Variants in CNTNAP2 observed in about 807,000 individuals in gnomAD.
The protein encoded by CNTNAP2 is contactin-associated protein-like 2.
A neutral mutation model predicts 155.2 loss-of-function variants in CNTNAP2; 98 were observed. That is an observed-to-expected ratio of 0.63 (90% CI 0.54 to 0.75). CNTNAP2 has a LOEUF of 0.75. Ranked by LOEUF, CNTNAP2 falls within the 30% of genes least tolerant of loss-of-function variation. The pLI, the probability that CNTNAP2 is intolerant of heterozygous loss-of-function variation, is 0.00. For synonymous variants in CNTNAP2, 651 were observed against 631.2 expected, an observed-to-expected ratio of 1.03 and a Z score of -0.47; for missense variants, 1,727 against 1,688.1, an observed-to-expected ratio of 1.02 and a Z score of -0.40.
chr7:146,741,782 G>C (rs1385970847), intron 1 of CNTNAP2, among the ~76,000 whole-genome samples: 1 of 152,148 alleles, frequency 6.6e-6, no homozygotes, highest in African/African-American at 2.4e-5. Flanking sequence ...CTGGCAAGGA[G>C]ATGAAAGTGA....
chr7:146,572,764 T>A (rs1798462301), intron 1 of CNTNAP2, among the ~76,000 whole-genome samples: 2 of 138,728 alleles, frequency 1.4e-5, no homozygotes, highest in Non-Finnish European at 3.2e-5. Flanking sequence ...ATGTGTTGAA[T>A]TCCCCAAGAT....
intron 1 of CNTNAP2, among the ~76,000 whole-genome samples, chr7:146,513,234 C>A (rs996298196): frequency 6.6e-6 from 1 of 151,810 alleles, no homozygotes; most frequent in Non-Finnish European, 1.5e-5. Context: ...ATAATTGGAT[C>A]TTTTAAAAAA....
intron 21 of CNTNAP2, among the ~76,000 whole-genome samples, chr7:148,329,058 A>ATGCTGC (rs1563044063): frequency 6.8e-6 from 1 of 147,818 alleles, no homozygotes; most frequent in African/African-American, 2.5e-5. Context: ...TGTGTTCTCC[A>ATGCTGC]TGCTGCTGCC....
chr7:147,585,418 TATATAA>T (rs1204485013), intron 12 of CNTNAP2, among the ~76,000 whole-genome samples: 1 of 149,446 alleles, frequency 6.7e-6, no homozygotes, highest in Non-Finnish European at 1.5e-5. Flanking sequence ...TATAAAATTA[TATATAA>T]ATATAAATAC....
intron 3 of CNTNAP2, among the ~76,000 whole-genome samples, chr7:146,865,656 AG>A (rs1363407746): frequency 6.6e-6 from 1 of 152,188 alleles, no homozygotes; most frequent in Admixed American, 6.6e-5. Context: ...ACCTAAATGT[AG>A]GCACCACTAG....
chr7:146,825,910 G>A (rs1409660897), intron 2 of CNTNAP2, among the ~76,000 whole-genome samples: 1 of 152,074 alleles, frequency 6.6e-6, no homozygotes, highest in African/African-American at 2.4e-5. Flanking sequence ...TGCACACAGG[G>A]CAGACAAATT....
At chr7:147,842,155 G>C (rs928013706) in intron 13 of CNTNAP2, among the ~76,000 whole-genome samples, 1 of 152,176 alleles carries the variant, frequency 6.6e-6, no homozygotes, top group African/African-American at 2.4e-5. Flanking sequence ...CTAGATACAT[G>C]ATTATTCCCA....
At chr7:146,228,157 G>T (rs1280401310) in intron 1 of CNTNAP2, among the ~76,000 whole-genome samples, 1 of 152,172 alleles carries the variant, frequency 6.6e-6, no homozygotes, top group Non-Finnish European at 1.5e-5. Context: ...TAGCGTTATA[G>T]CTGCAAATAT....
chr7:148,399,798 A>AT (rs1799544374), intron 22 of CNTNAP2, among the ~76,000 whole-genome samples: 1 of 152,202 alleles, frequency 6.6e-6, no homozygotes, highest in African/African-American at 2.4e-5. Flanking sequence ...CACACAAATG[A>AT]TTCGGCCAAG....
intron 12 of CNTNAP2, among the ~76,000 whole-genome samples, chr7:147,599,013 G>C (rs1360711153): frequency 6.6e-6 from 1 of 152,122 alleles, no homozygotes; most frequent in African/African-American, 2.4e-5. Context: ...CCAGACTCAG[G>C]TAAGTCTTCA....
chr7:147,010,536 C>T (rs1450281790), intron 3 of CNTNAP2, among the ~76,000 whole-genome samples: 1 of 152,054 alleles, frequency 6.6e-6, no homozygotes, highest in African/African-American at 2.4e-5. Context: ...GGCAGAAGTA[C>T]ATAGCAGTGA....
intron 1 of CNTNAP2, among the ~76,000 whole-genome samples, chr7:146,657,193 T>A (rs1800010094): frequency 6.6e-6 from 1 of 152,186 alleles, no homozygotes; most frequent in Admixed American, 6.5e-5. Context: ...CAAAAACTGT[T>A]CCTTAACTAA....
chr7:148,243,016 G>A (rs548628624), intron 20 of CNTNAP2, among the ~76,000 whole-genome samples: 79 of 152,256 alleles, frequency 5.2e-4, no homozygotes, highest in African/African-American at 1.8e-3. Context: ...GGTCTGGGCT[G>A]GCAGCTCAAG....
At chr7:146,812,070 G>T (rs952338883) in intron 2 of CNTNAP2, among the ~76,000 whole-genome samples, 1 of 152,122 alleles carries the variant, frequency 6.6e-6, no homozygotes, top group Non-Finnish European at 1.5e-5. Flanking sequence ...GGGAGAATGG[G>T]GTGTTGCTGT....
rs140489232 is a variant in CNTNAP2, at chr7:148,307,145, G to C, written c.3475+40019G>C. Among the ~76,000 whole-genome samples, 360 of 152,308 alleles carry C rather than the reference G, an allele frequency of 2.4e-3. 3 individuals are homozygous for C. The Middle Eastern group carries it at 0.024, about 10-fold the overall frequency. On this transcript the variant is annotated intron_variant, in intron 21 of 23. Coordinates refer to ENST00000361727, the MANE Select transcript of CNTNAP2 (RefSeq NM_014141.6). ...ATTCAGTGTGTAAATGTTGACTGAA[G>C]ATCCCTGTTTTCAGTACAGAGCCCC...
At chr7:146,830,198 A>G (rs1449490404) in intron 2 of CNTNAP2, among the ~76,000 whole-genome samples, 1 of 152,084 alleles carries the variant, frequency 6.6e-6, no homozygotes, top group Non-Finnish European at 1.5e-5. Flanking sequence ...CCAACCACAA[A>G]AAGATGCTGT....
intron 20 of CNTNAP2, among the ~76,000 whole-genome samples, chr7:148,251,981 T>C (rs1796371021): frequency 6.6e-6 from 1 of 152,194 alleles, no homozygotes; most frequent in Non-Finnish European, 1.5e-5. Flanking sequence ...TCTTTACCTC[T>C]TGGGTTCAGA....
intron 20 of CNTNAP2, among the ~76,000 whole-genome samples, chr7:148,238,078 C>T (rs543644856): frequency 5.8e-4 from 88 of 152,302 alleles, no homozygotes; most frequent in Non-Finnish European, 1.8e-4. Context: ...AGGCCAGGCG[C>T]GGTGGCTCAC....
In CNTNAP2 at chr7:148,416,436, C is replaced by CTGTT. The variant is rs1468146208; in HGVS notation, c.*822_*825dup. The CTGTT allele has an allele frequency of 6.6e-6, 1 of 152,148 alleles. No individual in the cohort carries two copies. Among genetic ancestry groups the CTGTT allele is most frequent in the Non-Finnish European group, 1.5e-5 (1 of 68,032 alleles). 9.4% of individuals were successfully genotyped at this position (152,148 alleles called of 1,614,324 possible). ...ACCAGCTGTTACAAAAGATTTTTTCCTGTTTTATCTGAAACATACTGGATT... is the reference window on the plus strand; with the variant it reads ...ACCAGCTGTTACAAAAGATTTTTTCCTGTTTGTTTTATCTGAAACATACTGGATT... On this transcript the variant is annotated 3_prime_UTR_variant, in exon 24 of 24. Coordinates refer to ENST00000361727, the MANE Select transcript of CNTNAP2 (RefSeq NM_014141.6).
Sources: gnomAD v4.1 joint callset for allele counts (sites outside exome capture counted in the v4.1 genomes callset) on GRCh38, gnomAD v4.1.1 for gene constraint, MANE v1.5 for transcripts, NCBI Gene and HGNC (gene_info 2026-07-23, HGNC 2026-07-21) for gene names.